Variants in PATJ observed in about 807,000 individuals in gnomAD.
PATJ encodes inaD-like protein.
A neutral mutation model predicts 224.9 loss-of-function variants in PATJ; 190 were observed. The observed-to-expected ratio is 0.84, with a 90% CI of 0.75 to 0.95. The LOEUF is 0.95. PATJ is among the 40% of genes least tolerant of loss of function. The probability of loss-of-function intolerance (pLI) is 0.00; values close to 1 mark genes in which losing one functional copy is unlikely to be tolerated. For synonymous variants in PATJ, 769 were observed against 820.3 expected (o/e 0.94, Z 1.07); for missense variants, 2,121 against 2,270.3 (o/e 0.93, Z 1.34).
chr1:61,814,042 A>G (rs1655502277), intron 14 of PATJ, among the ~76,000 whole-genome samples: 2 of 151,170 alleles, frequency 1.3e-5, no homozygotes, highest in Admixed American at 6.6e-5. Context: ...ATTAATTGAA[A>G]TTTGGTTGTG....
At chr1:62,044,244 A>G (rs1652084538) in intron 30 of PATJ, among the ~76,000 whole-genome samples, 1 of 152,168 alleles carries the variant, frequency 6.6e-6, no homozygotes, top group Non-Finnish European at 1.5e-5. Flanking sequence ...GAAATTTTGC[A>G]TCCTCTGACC....
intron 28 of PATJ, among the ~76,000 whole-genome samples, chr1:62,000,976 G>T (rs12756896): frequency 0.17 from 25,006 of 147,402 alleles, 2,380 homozygotes; most frequent in Non-Finnish European, 0.21. Context: ...TCATGTGTCT[G>T]TTGGCTGCAT....
At chr1:61,803,327 A>G (rs913389255) in intron 12 of PATJ, among the ~76,000 whole-genome samples, 3 of 152,168 alleles carry the variant, frequency 2.0e-5, no homozygotes, top group Non-Finnish European at 1.5e-5. Context: ...TTTACTAATC[A>G]AAGTACCTAA....
chr1:62,118,192 CT>C (rs199756213), intron 37 of PATJ, among the ~76,000 whole-genome samples: 174 of 145,826 alleles, frequency 1.2e-3, no homozygotes, highest in Non-Finnish European at 1.5e-3. Flanking sequence ...GTTTGAAACA[CT>C]TTTTTTTTTT....
In PATJ at chr1:61,974,478, A is replaced by G. The variant is rs188277904; in HGVS notation, c.3671-15690A>G. Among the ~76,000 whole-genome samples, 6 of 134,430 alleles carry G rather than the reference A, an allele frequency of 4.5e-5. No homozygotes were observed. The East Asian group carries it at 1.1e-3, about 24-fold the overall frequency. The allele number at this position is 134,430 out of a possible 152,430, so 88.2% of individuals were successfully genotyped here. A position where few individuals can be genotyped will look rare whatever the true frequency, so the allele number is the denominator to read the frequency against. On this transcript the variant is annotated intron_variant, in intron 27 of 43. Transcript: ENST00000642238. ...GCCAAGGCTAGAGTGCAATGGCGCA[A>G]TCTTGGCTCACTGCAACCTCCACCT...
At chr1:62,098,554 C>T (rs940482836) in intron 33 of PATJ, among the ~76,000 whole-genome samples, 7 of 151,146 alleles carry the variant, frequency 4.6e-5, no homozygotes, top group Non-Finnish European at 1.0e-4. Context: ...AAGATTGTGC[C>T]ATTGCACTCC....
intron 31 of PATJ, among the ~76,000 whole-genome samples, chr1:62,075,556 T>G (rs1658141869): frequency 6.6e-6 from 1 of 152,166 alleles, no homozygotes; most frequent in Non-Finnish European, 1.5e-5. Context: ...ACATATACCT[T>G]CTTTTGAGTA....
In PATJ at chr1:61,758,508, C is replaced by T. The variant is rs143667094; in HGVS notation, c.-35-4350C>T. Among the ~76,000 whole-genome samples, 960 of 152,114 alleles carry T rather than the reference C, an allele frequency of 6.3e-3. 10 individuals are homozygous for T. Among genetic ancestry groups the T allele is most frequent in the African/African-American group, 0.022 (905 of 41,494 alleles). On this transcript the variant is annotated intron_variant, in intron 1 of 43. Transcript: ENST00000642238. Reference sequence around the variant, plus strand: ...GGATATCAGGCATCTGCCACCACGCCCAGCTAATTTTTGTATTTTTAATAG... The same window carrying T: ...GGATATCAGGCATCTGCCACCACGCTCAGCTAATTTTTGTATTTTTAATAG...
At chr1:61,890,032 C>A (rs1288067519) in intron 22 of PATJ, among the ~76,000 whole-genome samples, 2 of 152,130 alleles carry the variant, frequency 1.3e-5, no homozygotes, top group African/African-American at 4.8e-5. Flanking sequence ...GGGACATGGA[C>A]ATTTCTCAGA....
At chr1:61,949,710 C>G (rs1013465064) in intron 27 of PATJ, among the ~76,000 whole-genome samples, 1 of 151,584 alleles carries the variant, frequency 6.6e-6, no homozygotes, top group Non-Finnish European at 1.5e-5. Context: ...AGTTCGAGAC[C>G]AGCCCGCTCA....
chr1:62,075,784 G>T (rs186953850), intron 31 of PATJ, among the ~76,000 whole-genome samples: 33 of 152,152 alleles, frequency 2.2e-4, no homozygotes, highest in African/African-American at 7.7e-4. Context: ...CAGGCGTGGT[G>T]GTGGGTGCCT....
At chr1:61,757,215 C>T (rs535670130) in intron 1 of PATJ, among the ~76,000 whole-genome samples, 13 of 150,942 alleles carry the variant, frequency 8.6e-5, no homozygotes, top group African/African-American at 2.2e-4. Context: ...GGGACACAGG[C>T]GTGTGTTAAC....
At chr1:62,079,767 T>G (rs571163209) in intron 32 of PATJ, among the ~76,000 whole-genome samples, 200 bp downstream of exon 32, 1 of 152,330 alleles carries the variant, frequency 6.6e-6, no homozygotes, top group Non-Finnish European at 1.5e-5. Flanking sequence ...CCATTGCCTG[T>G]TGCTTTTTGA....
chr1:61,928,897 T>C (rs1675616417), intron 27 of PATJ, among the ~76,000 whole-genome samples: 1 of 152,220 alleles, frequency 6.6e-6, no homozygotes, highest in Non-Finnish European at 1.5e-5. Flanking sequence ...CTTTCTCGTG[T>C]CATTTTCTTC....
chr1:62,123,735 C>G (rs1665378764), intron 39 of PATJ, among the ~76,000 whole-genome samples: 1 of 142,620 alleles, frequency 7.0e-6, no homozygotes, highest in Non-Finnish European at 1.5e-5. Context: ...CCTTGGCCTC[C>G]CAAAGTGCTG....
chr1:61,931,919 A>C, intron 27 of PATJ, among the ~76,000 whole-genome samples: 1 of 152,256 alleles, frequency 6.6e-6, no homozygotes. Flanking sequence ...ACATGTATGT[A>C]AAACTGAAAC....
At chr1:62,037,335 C>G (rs1558075669) in intron 29 of PATJ, among the ~76,000 whole-genome samples, 2 of 152,048 alleles carry the variant, frequency 1.3e-5, no homozygotes, top group Non-Finnish European at 2.9e-5. Context: ...ATAATCAGAA[C>G]CAGTATTATA....
intron 35 of PATJ, among the ~76,000 whole-genome samples, chr1:62,115,341 A>T (rs558578277): frequency 6.6e-6 from 1 of 151,896 alleles, no homozygotes; most frequent in African/African-American, 2.4e-5. Context: ...AAAGAGGTAT[A>T]TGTTGCCTAG....
chr1:61,812,433 A>AGAGATAGAGTGTGTGTGTGTGTGTGTGT (rs1397549346), intron 14 of PATJ, among the ~76,000 whole-genome samples: 1 of 85,150 alleles, frequency 1.2e-5, no homozygotes, highest in Non-Finnish European at 2.4e-5. Context: ...AGAGAGAGAG[A>AGAGATAGAGTGTGTGTGTGTGTGTGTGT]GTGTGTGTGT....
Sources: gnomAD v4.1 joint callset for allele counts (sites outside exome capture counted in the v4.1 genomes callset) on GRCh38, gnomAD v4.1.1 for gene constraint, MANE v1.5 for transcripts, NCBI Gene and HGNC (gene_info 2026-07-23, HGNC 2026-07-21) for gene names.